The following TTC4 variants were observed in gnomAD, a reference collection of about 807,000 sequenced individuals.
TTC4 encodes hsp70/Hsp90 co-chaperone CNS1 homolog.
In TTC4, 36 loss-of-function variants were observed where a neutral mutation model predicts 51.9. That is an observed-to-expected ratio of 0.69 (90% confidence interval 0.53 to 0.92). TTC4 has a LOEUF of 0.92. TTC4 is among the 40% of genes least tolerant of loss of function. TTC4 has a pLI of 0.00. For missense variants in TTC4, 399 were observed against 454.6 expected (o/e 0.88, Z 1.11); for synonymous variants, 144 against 164.2 (o/e 0.88, Z 0.94).
chr1:54,731,943 T>C (rs1334019919), intron 7 of TTC4, among the ~76,000 whole-genome samples: 2 of 152,200 alleles, frequency 1.3e-5, no homozygotes, highest in African/African-American at 4.8e-5. Flanking sequence ...CACCACAGTA[T>C]TGTGTTTGCC....
chr1:54,716,602 A>C lies in TTC4; in HGVS notation c.114A>C (p.Glu38Asp), dbSNP rs763673485. ...AGTTCATTCTTAACCATTTACAGGA[A>C]TTTGAAAAGGTCCCCCTATTTATGT... ...GGFHEDQWEK[E>D]FEKVPLFMSR... is the part of the protein sequence containing the mutation. Residue 38 changes from glutamate (E) to aspartate (D), a missense_variant and splice_region_variant, in exon 2 of 10, where the codon GAA (glutamate) becomes GAC (aspartate). By Grantham distance (45) the Glu-to-Asp change is conservative. Transcript: ENST00000371281. 15 of 1,609,926 alleles carry C rather than the reference A, an allele frequency of 9.3e-6. No homozygotes were observed. The highest frequency in any genetic ancestry group is 1.3e-5 in the Non-Finnish European group (15 of 1,177,870).
chr1:54,731,724 C>T, intron 7 of TTC4, 24 bp downstream of exon 7: 1 of 1,603,104 alleles, frequency 6.2e-7, no homozygotes, highest in Non-Finnish European at 8.5e-7. Flanking sequence ...CAGGAGCCCT[C>T]TGCTTTTGCT....
At position 54,741,997 on chromosome 1, in the gene TTC4, T is replaced by A. The variant is rs1052584942; in HGVS notation, c.*484T>A. 1 of 155,896 alleles carries A rather than the reference T, an allele frequency of 6.4e-6. No homozygotes were observed. Among genetic ancestry groups the A allele is most frequent in the African/African-American group, 2.4e-5 (1 of 41,480 alleles). The allele number at this position is 155,896 out of a possible 1,614,324, so 9.7% of individuals were successfully genotyped here. A position where few individuals can be genotyped will look rare whatever the true frequency, so the allele number is the denominator to read the frequency against. ...ATTTCATGCGCACAGAGGGAAGCCA[T>A]GTGGGGTTGCTGAAGATGCCTTGAG... is the stretch of plus-strand genomic sequence containing the variant. On this transcript the variant is annotated 3_prime_UTR_variant, in exon 10 of 10. Transcript: ENST00000371281.
chr1:54,731,025 G>C (rs1645859581), intron 6 of TTC4, among the ~76,000 whole-genome samples: 1 of 152,094 alleles, frequency 6.6e-6, no homozygotes, highest in Admixed American at 6.5e-5. Context: ...TTCCATAGCT[G>C]TCTCACCACT....
At chr1:54,732,233 A>C (rs1645874389) in intron 7 of TTC4, among the ~76,000 whole-genome samples, 1 of 151,184 alleles carries the variant, frequency 6.6e-6, no homozygotes, top group African/African-American at 2.4e-5. Flanking sequence ...AGGCATGAGA[A>C]TCACTTGAAC....
rs779330575 is a variant in TTC4 at position 54,733,659 on chromosome 1, T to C, written c.927T>C (p.Gly309=). The change falls in exon 8 of 10, where the codon GGT becomes GGC. Residue 309 remains glycine, a synonymous_variant. Coordinates refer to ENST00000371281, the MANE Select transcript of TTC4 (RefSeq NM_004623.5). ...TTGATCATCTAATGGTGATGTTTGG[T>C]GAAACACCCTCTTGGGACCTAGAGC... ...RFIDHLMVMF[G]ETPSWDLEQK... is the part of the protein sequence containing the mutation. 4 of 1,604,184 alleles carry C rather than the reference T, an allele frequency of 2.5e-6. No individual in the cohort carries two copies. In the Admixed American group the frequency reaches 5.1e-5, roughly 20 times the overall value.
rs567865184 is a variant in TTC4, at chr1:54,721,624, G to T, written c.469+384G>T. Among the ~76,000 whole-genome samples, 257 of 152,190 alleles carry T rather than the reference G, an allele frequency of 1.7e-3. 1 individual carries two copies. Among genetic ancestry groups the T allele is most frequent in the African/African-American group, 5.5e-3 (230 of 41,530 alleles). On this transcript the variant is annotated intron_variant, in intron 4 of 9. Transcript: ENST00000371281. ...TGGTGCTGAGATGTTCTCAGATTAT[G>T]TTTTCTCTTGTAGTCTGACCTTTCT... is the stretch of plus-strand genomic sequence containing the variant.
chr1:54,725,579 C>T (rs546960149), intron 5 of TTC4, among the ~76,000 whole-genome samples: 2 of 152,296 alleles, frequency 1.3e-5, no homozygotes, highest in African/African-American at 4.8e-5. Flanking sequence ...TCAACATGTA[C>T]ACAAAGCCTC....
intron 3 of TTC4, 91 bp downstream of exon 3, chr1:54,717,744 C>T: frequency 8.2e-7 from 1 of 1,224,178 alleles, no homozygotes; most frequent in Non-Finnish European, 1.1e-6. Flanking sequence ...GGATGAGGGG[C>T]TGTTATCCCA....
intron 5 of TTC4, among the ~76,000 whole-genome samples, chr1:54,724,796 G>A (rs1186605923): frequency 2.6e-5 from 4 of 152,124 alleles, no homozygotes; most frequent in Admixed American, 2.6e-4. Flanking sequence ...CACAGTGGTG[G>A]ACTAAAGACC....
At chr1:54,721,503 AT>A (rs534975113) in intron 4 of TTC4, among the ~76,000 whole-genome samples, 1 of 152,064 alleles carries the variant, frequency 6.6e-6, no homozygotes, top group Non-Finnish European at 1.5e-5. Context: ...CCATATTCTG[AT>A]TTTTTTTCCA....
In TTC4 at chr1:54,736,201, A is replaced by T. The variant is rs1373221283; in HGVS notation, c.979-1381A>T. ...GAGAGAGAGAGAGAGAGAGAGAGAG[A>T]GAGAGAGAGAGAGAGAGAGAGAAGA... is the stretch of plus-strand genomic sequence containing the variant. On this transcript the variant is annotated intron_variant, in intron 8 of 9. Transcript: ENST00000371281. 4.4e-3 allele frequency among the ~76,000 whole-genome samples: 600 copies of T among 135,862 alleles called. 32 individuals are homozygous for T. Among genetic ancestry groups the T allele is most frequent in the African/African-American group, 0.019 (554 of 29,590 alleles). 89.1% of individuals were successfully genotyped at this position (135,862 alleles called of 152,430 possible).
chr1:54,726,281 T>C (rs1311551291), intron 5 of TTC4, among the ~76,000 whole-genome samples: 4 of 152,138 alleles, frequency 2.6e-5, no homozygotes, highest in Admixed American at 1.3e-4. Flanking sequence ...TCAGAAGCCA[T>C]GAAGGCCAAA....
At chr1:54,721,281 A>T (rs752970015) in intron 4 of TTC4, 41 bp downstream of exon 4, 3 of 1,595,886 alleles carry the variant, frequency 1.9e-6, no homozygotes, top group African/African-American at 2.7e-5. Flanking sequence ...TAAAGCTTTG[A>T]TATGAAGGTG....
intron 3 of TTC4, among the ~76,000 whole-genome samples, chr1:54,718,753 A>G (rs1426949382): frequency 1.3e-5 from 2 of 152,112 alleles, no homozygotes; most frequent in African/African-American, 4.8e-5. Flanking sequence ...GCTGGTGACT[A>G]GTCTTGGTTA....
chr1:54,727,833 G>T (rs1458564944), intron 5 of TTC4, among the ~76,000 whole-genome samples: 1 of 152,066 alleles, frequency 6.6e-6, no homozygotes, highest in African/African-American at 2.4e-5. Flanking sequence ...ATGAGGAAAG[G>T]ATGTGAATAG....
At chr1:54,718,624 T>C (rs1165371159) in intron 3 of TTC4, among the ~76,000 whole-genome samples, 1 of 152,146 alleles carries the variant, frequency 6.6e-6, no homozygotes, top group East Asian at 1.9e-4. Context: ...TGAGATAGCC[T>C]GCAAGAAAAT....
chr1:54,715,879 G>T lies in TTC4; in HGVS notation c.-30G>T, dbSNP rs770814525. ...AGGAGCCGCTCGCTTCACGGCGCTG[G>T]GACCCGGGCTGGAAGGCAGGGCATC... On this transcript the variant is annotated 5_prime_UTR_variant, in exon 1 of 10. Transcript: ENST00000371281. The T allele has an allele frequency of 9.6e-6, 15 of 1,559,414 alleles. No individual in the cohort carries two copies. The East Asian group carries it at 3.5e-4, about 36-fold the overall frequency.
chr1:54,741,038 C>T (rs923846303), intron 9 of TTC4, among the ~76,000 whole-genome samples: 1 of 152,200 alleles, frequency 6.6e-6, no homozygotes, highest in Non-Finnish European at 1.5e-5. Context: ...TCCCTCCCCT[C>T]CAGGACTGAA....
Sources: gnomAD v4.1 joint callset for allele counts (sites outside exome capture counted in the v4.1 genomes callset) on GRCh38, gnomAD v4.1.1 for gene constraint, MANE v1.5 for transcripts, NCBI Gene and HGNC (gene_info 2026-07-23, HGNC 2026-07-21) for gene names.